DAB2: variants seen among roughly 807,000 people sequenced by gnomAD.
The protein encoded by DAB2 is disabled homolog 2.
Under a neutral mutation model 71.6 loss-of-function variants are expected in DAB2, and 28 were observed. The observed-to-expected ratio is 0.39, with a 90% CI of 0.29 to 0.54. The LOEUF is 0.54. DAB2 is among the 20% of genes least tolerant of loss of function. DAB2 has a pLI of 0.68. For missense variants in DAB2, 867 were observed against 928.8 expected, an observed-to-expected ratio of 0.93 and a Z score of 0.86; for synonymous variants, 345 against 339.7, an observed-to-expected ratio of 1.02 and a Z score of -0.17.
At chr5:39,393,688 GTT>G in intron 2 of DAB2, among the ~76,000 whole-genome samples, 1 of 151,730 alleles carries the variant, frequency 6.6e-6, no homozygotes, top group South Asian at 2.1e-4. Flanking sequence ...TTTCATCATA[GTT>G]TTTTTTAAGT....
intron 1 of DAB2, chr5:39,408,263 A>G (rs1021033969): frequency 6.6e-6 from 1 of 152,246 alleles, no homozygotes; most frequent in African/African-American, 2.4e-5. Flanking sequence ...GAGCAAAACC[A>G]TGAAAACACT....
chr5:39,422,218 G>A lies in DAB2; in HGVS notation c.-102+2586C>T, dbSNP rs1374114796. On this transcript the variant is annotated intron_variant, in intron 1 of 14. Coordinates refer to ENST00000320816, the MANE Select transcript of DAB2 (RefSeq NM_001343.4). The surrounding 1 kb of genome is among the most constrained non-coding windows in gnomAD (Gnocchi z 4.1). ...TAAAATACCACATCCTGTTACTCAG[G>A]TGTTTCATATTGCCAATCTGGTTCC... Among the ~76,000 whole-genome samples the A allele has an allele frequency of 6.6e-6, 1 of 152,178 alleles. No individual in the cohort carries two copies. Among genetic ancestry groups the A allele is most frequent in the Non-Finnish European group, 1.5e-5 (1 of 68,032 alleles).
intron 12 of DAB2, 24 bp downstream of exon 12, chr5:39,376,626 T>A: frequency 6.2e-7 from 1 of 1,608,500 alleles, no homozygotes; most frequent in Non-Finnish European, 8.5e-7. Flanking sequence ...GTTGGAACAG[T>A]AGGCAGAGTG....
At chr5:39,419,840 G>C (rs1245081619) in intron 1 of DAB2, among the ~76,000 whole-genome samples, 2 of 152,182 alleles carry the variant, frequency 1.3e-5, no homozygotes, top group East Asian at 3.8e-4. Flanking sequence ...CTTGGTATAT[G>C]GGAAAAATAT....
At chr5:39,378,236 A>G (rs1754878046) in intron 11 of DAB2, among the ~76,000 whole-genome samples, 1 of 152,178 alleles carries the variant, frequency 6.6e-6, no homozygotes, top group Admixed American at 6.5e-5. Context: ...GATTCTTGAG[A>G]GGCTCGCTCC....
Position 39,424,867 on chromosome 5 carries a change from G to A in DAB2, c.-165C>T, listed in dbSNP as rs1184820913. ...CCGCGCCCGGAGCCTCCAGGCTACA[G>A]CGCAGCGGATGCGGCGGGCCTCGCT... On this transcript the variant is annotated 5_prime_UTR_variant, in exon 1 of 15. Transcript: ENST00000320816. 1 of 152,678 alleles carries A rather than the reference G, an allele frequency of 6.5e-6. No homozygotes were observed. Among genetic ancestry groups the A allele is most frequent in the Non-Finnish European group, 1.5e-5 (1 of 68,124 alleles). The allele number at this position is 152,678 out of a possible 1,614,324, so 9.5% of individuals were successfully genotyped here. A position where few individuals can be genotyped will look rare whatever the true frequency, so the allele number is the denominator to read the frequency against.
intron 1 of DAB2, among the ~76,000 whole-genome samples, chr5:39,394,655 T>C (rs1755315040): frequency 6.6e-6 from 1 of 152,234 alleles, no homozygotes; most frequent in African/African-American, 2.4e-5. Context: ...GCACTTGATA[T>C]CTGGTAACAT....
At chr5:39,375,140 T>C in intron 13 of DAB2, 56 bp from the exon 14 acceptor site, 1 of 1,363,076 alleles carries the variant, frequency 7.3e-7, no homozygotes. Flanking sequence ...AAGAAAAAAA[T>C]CGCAATGAAG....
chr5:39,372,047 C>T lies in DAB2; in HGVS notation c.*1384G>A, dbSNP rs1429386092. The T allele has an allele frequency of 1.3e-5, 2 of 152,142 alleles. No individual in the cohort carries two copies. Among genetic ancestry groups the T allele is most frequent in the African/African-American group, 2.4e-5 (1 of 41,432 alleles). The allele number at this position is 152,142 out of a possible 1,614,324, so 9.4% of individuals were successfully genotyped here. ...ACCCTCTTCTTCCCCCTCAAGGTAA[C>T]ATTGGATGTGGCTGATTAACTCCCA... On this transcript the variant is annotated 3_prime_UTR_variant, in exon 15 of 15. Coordinates refer to ENST00000320816, the MANE Select transcript of DAB2 (RefSeq NM_001343.4).
chr5:39,410,039 T>C (rs1755686878), intron 1 of DAB2, among the ~76,000 whole-genome samples: 1 of 152,178 alleles, frequency 6.6e-6, no homozygotes, highest in Non-Finnish European at 1.5e-5. Context: ...AGAGGGACTT[T>C]GAAGATTTTC....
At chr5:39,388,907 T>C (rs1032251318) in intron 7 of DAB2, 55 bp from the exon 8 acceptor site, 7 of 1,476,828 alleles carry the variant, frequency 4.7e-6, no homozygotes, top group Admixed American at 1.7e-5. Context: ...ATAAAATGTA[T>C]TTGTCCACTC....
At chr5:39,389,786 A>G (rs1199942466) in intron 6 of DAB2, 66 bp downstream of exon 6, 38 of 895,084 alleles carry the variant, frequency 4.2e-5, no homozygotes, top group Non-Finnish European at 6.3e-5. Flanking sequence ...TGCTGGGATT[A>G]TAGGTGTGAG....
In DAB2 at chr5:39,382,634, C is replaced by T. The variant is rs1434195589; in HGVS notation, c.1325G>A (p.Gly442Asp). Residue 442 changes from glycine (G) to aspartate (D), a missense_variant, in exon 10 of 15, where the codon GGC becomes GAC. Around this residue, in one of 2 missense-constraint regions of DAB2, gnomAD observed 740 missense variants for 734.3 expected, o/e 1.01. Transcript: ENST00000320816. ...PPPQSTKPGR[G>D]RRTAKSSAND... ...ACAATTCACCTTAGCAGTCCTTCTG[C>T]CTCTTCCTGGTTTGGTACTTTGTGG... 1 of 1,613,296 alleles carries T rather than the reference C, an allele frequency of 6.2e-7. No individual in the cohort carries two copies. Among genetic ancestry groups the T allele is most frequent in the Admixed American group, 1.7e-5 (1 of 59,992 alleles).
intron 1 of DAB2, among the ~76,000 whole-genome samples, chr5:39,416,158 A>C (rs149026454): frequency 6.6e-6 from 1 of 151,962 alleles, no homozygotes; most frequent in Non-Finnish European, 1.5e-5. Context: ...TGTATCATAC[A>C]TGTCCCTCAT....
chr5:39,408,661 T>G (rs934167677), intron 1 of DAB2: 7 of 152,200 alleles, frequency 4.6e-5, no homozygotes, highest in African/African-American at 1.7e-4. Context: ...AGACAAGACA[T>G]GGTTGCTTTC....
chr5:39,384,577 T>G (rs1425037569), intron 9 of DAB2, among the ~76,000 whole-genome samples: 1 of 152,206 alleles, frequency 6.6e-6, no homozygotes, highest in Non-Finnish European at 1.5e-5. Context: ...GTAGCTCTAC[T>G]AATTCTATCC....
chr5:39,382,047 C>T (rs1000596614), intron 10 of DAB2, among the ~76,000 whole-genome samples: 1 of 152,108 alleles, frequency 6.6e-6, no homozygotes, highest in Non-Finnish European at 1.5e-5. Context: ...CCTGTATATT[C>T]TTAGGAGAGG....
chr5:39,404,460 T>TAAAAAA (rs574569850), intron 1 of DAB2, among the ~76,000 whole-genome samples: 12 of 127,248 alleles, frequency 9.4e-5, no homozygotes, highest in East Asian at 2.2e-4. Flanking sequence ...TATTATTATC[T>TAAAAAA]AAAAAAAAAA....
chr5:39,390,341 T>G (rs139110594), intron 5 of DAB2, 103 bp downstream of exon 5: 1 of 1,382,288 alleles, frequency 7.2e-7, no homozygotes, highest in Admixed American at 2.3e-5. Flanking sequence ...TATTTAGCCC[T>G]CTTACATCCA....
Sources: allele counts gnomAD v4.1 joint callset (sites outside exome capture counted in the v4.1 genomes callset), GRCh38; gene constraint gnomAD v4.1.1; regional missense constraint gnomAD v4.1.1; non-coding constraint Gnocchi (gnomAD v3.1); transcripts MANE v1.5; gene names NCBI Gene and HGNC (gene_info 2026-07-23, HGNC 2026-07-21).